The following SLC9B1 variants were observed in gnomAD, a reference collection of about 807,000 sequenced individuals.
The protein encoded by SLC9B1 is solute carrier family 9 member B1.
SLC9B1 carries 32 observed loss-of-function variants against 51.7 expected under a neutral mutation model. The observed-to-expected ratio is 0.62, with a 90% CI of 0.47 to 0.83. SLC9B1 has a LOEUF of 0.83. Among genes scored for constraint, SLC9B1 ranks in the 40% least tolerant of loss-of-function variants. The pLI is 0.00. For synonymous variants in SLC9B1, 145 were observed against 212.7 expected (o/e 0.68, Z 2.77); for missense variants, 406 against 613.2 (o/e 0.66, Z 3.57).
In SLC9B1 at chr4:102,906,061, G is replaced by A. The variant is rs569170972; in HGVS notation, c.1196-411C>T. On this transcript the variant is annotated intron_variant, in intron 10 of 11. Transcript: ENST00000296422. Reference sequence around the variant, plus strand: ...CGCGATTCTCCTGCCTCAGCCTCCCGAGTAGCTGGGATTACAGACGCGCAC... The same window carrying A: ...CGCGATTCTCCTGCCTCAGCCTCCCAAGTAGCTGGGATTACAGACGCGCAC... Among the ~76,000 whole-genome samples the A allele has an allele frequency of 4.6e-5, 7 of 152,100 alleles. No individual in the cohort carries two copies. In the East Asian group the frequency reaches 9.7e-4, roughly 21 times the overall value.
intron 11 of SLC9B1, among the ~76,000 whole-genome samples, chr4:102,894,485 G>A (rs1361354554): frequency 4.0e-5 from 6 of 151,864 alleles, no homozygotes; most frequent in Non-Finnish European, 7.4e-5. Context: ...GAGGAATATT[G>A]GTAAGTTATT....
chr4:102,945,701 C>T (rs964272857), intron 5 of SLC9B1, among the ~76,000 whole-genome samples: 4 of 151,846 alleles, frequency 2.6e-5, no homozygotes, highest in Non-Finnish European at 4.4e-5. Context: ...AATAGAATAC[C>T]AACATGCCAA....
At chr4:102,948,094 G>T (rs1195612787) in intron 4 of SLC9B1, among the ~76,000 whole-genome samples, 1 of 152,000 alleles carries the variant, frequency 6.6e-6, no homozygotes, top group Non-Finnish European at 1.5e-5. Flanking sequence ...CTGGCTGAGA[G>T]TTTTCATATC....
At chr4:102,983,020 TTAG>T (rs1488510472) in intron 3 of SLC9B1, among the ~76,000 whole-genome samples, 1 of 152,102 alleles carries the variant, frequency 6.6e-6, no homozygotes, top group Admixed American at 6.6e-5. Context: ...CTGTAGGATT[TTAG>T]TAGATAGTTT....
intron 9 of SLC9B1, 78 bp downstream of exon 9, chr4:102,910,361 A>G: frequency 7.7e-7 from 1 of 1,299,662 alleles, no homozygotes; most frequent in Admixed American, 2.8e-5. Context: ...TTCCAACCAG[A>G]ATGAGGGGAT....
intron 3 of SLC9B1, among the ~76,000 whole-genome samples, chr4:102,980,983 T>C (rs1161025238): frequency 3.9e-5 from 6 of 152,156 alleles, no homozygotes; most frequent in African/African-American, 1.4e-4. Context: ...CTAAAAATCC[T>C]CTGGGCTCTG....
At chr4:102,903,252 A>C (rs542291142) in intron 11 of SLC9B1, among the ~76,000 whole-genome samples, 2 of 152,350 alleles carry the variant, frequency 1.3e-5, no homozygotes, top group South Asian at 4.1e-4. Context: ...TATTGTTGGA[A>C]GGAGAGAGAA....
chr4:102,943,153 A>G (rs1185974706), intron 6 of SLC9B1, among the ~76,000 whole-genome samples: 5 of 124,824 alleles, frequency 4.0e-5, no homozygotes, highest in Admixed American at 8.7e-5. Context: ...AAGAATAGCC[A>G]TAATCAAAAA....
At chr4:102,964,438 T>C (rs1229779898) in intron 3 of SLC9B1, among the ~76,000 whole-genome samples, 2 of 152,178 alleles carry the variant, frequency 1.3e-5, no homozygotes, top group Admixed American at 1.3e-4. Context: ...CAATGAACTT[T>C]ATTTCATTTG....
intron 3 of SLC9B1, among the ~76,000 whole-genome samples, chr4:102,967,022 C>A (rs201343928): frequency 2.4e-4 from 31 of 127,762 alleles, no homozygotes; most frequent in Admixed American, 5.6e-4. Flanking sequence ...AACAACACAG[C>A]CAAATTTTTG....
chr4:102,918,344 A>AGT (rs1162509030), intron 7 of SLC9B1, among the ~76,000 whole-genome samples: 2 of 152,078 alleles, frequency 1.3e-5, no homozygotes, highest in African/African-American at 4.8e-5. Flanking sequence ...AGTTACCAAG[A>AGT]CTAAGTCACA....
intron 6 of SLC9B1, chr4:102,941,345 A>T: frequency 2.6e-6 from 1 of 381,584 alleles, no homozygotes; most frequent in South Asian, 1.9e-5. Flanking sequence ...AGAGGACCAG[A>T]CACTTCTCAA....
At chr4:102,937,926 T>C (rs145500429) in intron 6 of SLC9B1, among the ~76,000 whole-genome samples, 1 of 152,102 alleles carries the variant, frequency 6.6e-6, no homozygotes, top group Non-Finnish European at 1.5e-5. Flanking sequence ...AAAAATACGT[T>C]TAAGTACATA....
chr4:102,994,531 C>G (rs1051553153), intron 1 of SLC9B1, among the ~76,000 whole-genome samples: 1 of 152,166 alleles, frequency 6.6e-6, no homozygotes, highest in African/African-American at 2.4e-5. Context: ...CAGCTTGTTA[C>G]CCAGTTCCAA....
intron 3 of SLC9B1, among the ~76,000 whole-genome samples, chr4:102,979,063 A>G (rs1739220491): frequency 6.6e-6 from 1 of 152,208 alleles, no homozygotes; most frequent in Non-Finnish European, 1.5e-5. Context: ...AAAACCACTG[A>G]GCAAACATAC....
intron 1 of SLC9B1, among the ~76,000 whole-genome samples, chr4:102,999,574 T>C (rs1740410194): frequency 6.6e-6 from 1 of 152,230 alleles, no homozygotes; most frequent in African/African-American, 2.4e-5. Context: ...ATTGAAAGTT[T>C]GACATTGTGT....
chr4:102,909,981 A>C (rs1021440242), intron 9 of SLC9B1, among the ~76,000 whole-genome samples: 3 of 151,756 alleles, frequency 2.0e-5, no homozygotes, highest in African/African-American at 7.3e-5. Context: ...TGCCCAGCTA[A>C]TTTTTGTATT....
intron 3 of SLC9B1, among the ~76,000 whole-genome samples, chr4:102,960,511 G>A (rs1738047365): frequency 6.6e-6 from 1 of 151,990 alleles, no homozygotes; most frequent in Non-Finnish European, 1.5e-5. Context: ...AAACAGTGTG[G>A]TAAAGCTGTG....
chr4:103,016,854 C>T (rs1025684351), intron 1 of SLC9B1: 1 of 152,252 alleles, frequency 6.6e-6, no homozygotes, highest in Non-Finnish European at 1.5e-5. Context: ...CTGCTTTACA[C>T]TAGTCACTGC....
Sources: gnomAD v4.1 joint callset for allele counts (sites outside exome capture counted in the v4.1 genomes callset) on GRCh38, gnomAD v4.1.1 for gene constraint, MANE v1.5 for transcripts, NCBI Gene and HGNC (gene_info 2026-07-23, HGNC 2026-07-21) for gene names.